ALDH3A2: variants seen among roughly 807,000 people sequenced by gnomAD.
The protein encoded by ALDH3A2 is aldehyde dehydrogenase 3 family member A2.
A neutral mutation model predicts 51.3 loss-of-function variants in ALDH3A2; 36 were observed. The observed-to-expected ratio is 0.70, with a 90% CI of 0.54 to 0.93. The LOEUF (loss-of-function observed/expected upper bound fraction) is 0.93, where lower values mean the gene tolerates loss of function less well. Ranked by LOEUF, ALDH3A2 falls within the 40% of genes least tolerant of loss-of-function variation. The probability of loss-of-function intolerance (pLI) is 0.00; values close to 1 mark genes in which losing one functional copy is unlikely to be tolerated. For missense variants in ALDH3A2, 552 were observed against 603.1 expected (o/e 0.92, Z 0.89); for synonymous variants, 199 against 219.8 (o/e 0.91, Z 0.84).
chr17:19,669,953 T>C (rs577517494), intron 8 of ALDH3A2, among the ~76,000 whole-genome samples: 1 of 152,282 alleles, frequency 6.6e-6, no homozygotes, highest in East Asian at 1.9e-4. Flanking sequence ...TGCACGCATT[T>C]TAGAGACAGA....
At position 19,671,779 on chromosome 17, in the gene ALDH3A2, G is replaced by C. The variant is rs1256793454; in HGVS notation, c.1266G>C (p.Gln422His). 1 of 1,614,158 alleles carries C rather than the reference G, an allele frequency of 6.2e-7. No homozygotes were observed. The highest frequency in any genetic ancestry group is 1.7e-5 in the Admixed American group (1 of 60,014). ...ATAGTTTTGATACTTTTTCTCATCA[G>C]CGTCCCTGTTTATTAAAAAGTTTAA... ...GKHSFDTFSH[Q>H]RPCLLKSLKR... Residue 422 changes from glutamine to histidine, a missense_variant, in exon 9 of 10, where the codon CAG (glutamine) becomes CAC (histidine). By Grantham distance (24) the Gln-to-His change is conservative. Coordinates refer to ENST00000176643, the MANE Select transcript of ALDH3A2 (RefSeq NM_000382.3).
At chr17:19,659,395 GGGT>G (rs2084938905) in intron 5 of ALDH3A2, among the ~76,000 whole-genome samples, 1 of 151,952 alleles carries the variant, frequency 6.6e-6, no homozygotes, top group Admixed American at 6.6e-5. Flanking sequence ...AAGGTTAGCT[GGGT>G]ATGGTGGCAC....
At position 19,648,986 on chromosome 17, in the gene ALDH3A2, C is replaced by A; in HGVS notation, c.15C>A (p.Val5=). The change falls in exon 1 of 10, where the codon GTC becomes GTA. Residue 5 remains valine, a synonymous_variant. Transcript: ENST00000176643. ...AGGACCAGGCCATGGAGCTCGAAGT[C>A]CGGCGGGTCCGACAGGCGTTCCTGT... MELE[V]RRVRQAFLSG... is the part of the protein sequence containing the mutation. 6.3e-7 allele frequency: 1 copy of A among 1,586,066 alleles called. No individual in the cohort carries two copies.
chr17:19,671,054 G>A (rs888376213), intron 8 of ALDH3A2, among the ~76,000 whole-genome samples: 1 of 152,172 alleles, frequency 6.6e-6, no homozygotes, highest in Non-Finnish European at 1.5e-5. Flanking sequence ...ACACTGCTCC[G>A]CTTTGTGCCT....
chr17:19,670,943 T>C (rs2085104704), intron 8 of ALDH3A2, among the ~76,000 whole-genome samples: 1 of 152,172 alleles, frequency 6.6e-6, no homozygotes, highest in Non-Finnish European at 1.5e-5. Flanking sequence ...CAGGCCTGCT[T>C]CATGAATGAT....
intron 8 of ALDH3A2, among the ~76,000 whole-genome samples, chr17:19,669,007 A>G (rs372202442): frequency 2.7e-5 from 2 of 74,794 alleles, no homozygotes; most frequent in Admixed American, 3.2e-4. Flanking sequence ...CCATTTAACC[A>G]TGGAGTTGGC....
chr17:19,667,559 CT>C (rs61355726), intron 8 of ALDH3A2, among the ~76,000 whole-genome samples: 5 of 149,438 alleles, frequency 3.3e-5, no homozygotes, highest in East Asian at 1.9e-4. Flanking sequence ...TTAGATTTTT[CT>C]TTTTTTTTTC....
At chr17:19,661,933 T>C (rs1009907157) in intron 6 of ALDH3A2, 3 of 151,982 alleles carry the variant, frequency 2.0e-5, no homozygotes, top group African/African-American at 7.3e-5. Context: ...GATTCTCTTA[T>C]AATTAGCAGT....
In ALDH3A2 at chr17:19,665,400, T is replaced by TGC. The variant is rs2085023345; in HGVS notation, c.1207+354_1207+355insCG. Reference sequence around the variant, plus strand: ...TCGTGTGTGTGTGTGTGTGTGTGTGTGTGTGTGTGGTGTGTGTGTTTAATG... The same window carrying TGC: ...TCGTGTGTGTGTGTGTGTGTGTGTGTGCGTGTGTGTGGTGTGTGTGTTTAATG... On this transcript the variant is annotated intron_variant, in intron 8 of 9. Coordinates refer to ENST00000176643, the MANE Select transcript of ALDH3A2 (RefSeq NM_000382.3). Among the ~76,000 whole-genome samples, 4 of 151,764 alleles carry TGC rather than the reference T, an allele frequency of 2.6e-5. No individual in the cohort carries two copies. In the South Asian group the frequency reaches 8.3e-4, roughly 32 times the overall value.
chr17:19,673,767 T>C (rs1242434712), intron 9 of ALDH3A2, among the ~76,000 whole-genome samples: 1 of 152,184 alleles, frequency 6.6e-6, no homozygotes, highest in Non-Finnish European at 1.5e-5. Flanking sequence ...TCTCTAGACA[T>C]TTTGGACCTG....
At chr17:19,664,867 C>T (rs2085013623) in intron 7 of ALDH3A2, 81 bp from the exon 8 acceptor site, 2 of 972,392 alleles carry the variant, frequency 2.1e-6, no homozygotes, top group African/African-American at 3.2e-5. Context: ...TAACTGAGCA[C>T]ACAGCCCTCT....
Position 19,665,033 on chromosome 17 carries a change from C to T in ALDH3A2, c.1193C>T (p.Pro398Leu). The change falls in exon 8 of 10, where the codon CCA (proline) becomes CTA (leucine). Residue 398 changes from proline to leucine, a missense_variant. Physicochemically the swap from Pro to Leu is moderately conservative, Grantham distance 98. Coordinates refer to ENST00000176643, the MANE Select transcript of ALDH3A2 (RefSeq NM_000382.3). ...ATGCACTTCACGCTCAACTCTTTCC[C>T]ATTTGGAGGAGTGGGTGAGTCTTAT... ...VIMHFTLNSF[P>L]FGGVGSSGMG... 1.2e-6 allele frequency: 2 copies of T among 1,613,722 alleles called. No homozygotes were observed. The highest frequency in any genetic ancestry group is 1.7e-6 in the Non-Finnish European group (2 of 1,179,668).
Position 19,654,065 on chromosome 17 carries a change from C to G in ALDH3A2, c.471+1433C>G, listed in dbSNP as rs1415176666. On this transcript the variant is annotated intron_variant, in intron 3 of 9. Transcript: ENST00000176643. This position sits in a 1 kb window ranked among gnomAD's most constrained non-coding sequence, Gnocchi z 4.5. ...CATAGAGTGCTGACTGGTGCTTTTA[C>G]AATCCTCTAGCTAGACATAAAAGTT... Among the ~76,000 whole-genome samples, 1 of 152,242 alleles carries G rather than the reference C, an allele frequency of 6.6e-6. No homozygotes were observed. Among genetic ancestry groups the G allele is most frequent in the African/African-American group, 2.4e-5 (1 of 41,464 alleles).
rs781061981 is a variant in ALDH3A2, at chr17:19,675,615, T to C, written c.*43T>C. 1.3e-6 allele frequency: 2 copies of C among 1,589,972 alleles called. No homozygotes were observed. The highest frequency in any genetic ancestry group is 1.7e-6 in the Non-Finnish European group (2 of 1,157,938). On this transcript the variant is annotated 3_prime_UTR_variant, in exon 10 of 10. Coordinates refer to ENST00000176643, the MANE Select transcript of ALDH3A2 (RefSeq NM_000382.3). ...CCTCCTAGTGCCTCTACTGAATTATTCCTCTTTTAAATGGTTAATGAACCA... is the reference window on the plus strand; with the variant it reads ...CCTCCTAGTGCCTCTACTGAATTATCCCTCTTTTAAATGGTTAATGAACCA...
intron 8 of ALDH3A2, among the ~76,000 whole-genome samples, chr17:19,665,376 CGTGTGTGTGT>C (rs34642385): frequency 1.4e-5 from 2 of 144,920 alleles, no homozygotes; most frequent in South Asian, 2.2e-4. Context: ...GATCTCTCTT[CGTGTGTGTGT>C]GTGTGTGTGT....
At position 19,654,099 on chromosome 17, in the gene ALDH3A2, C is replaced by A. The variant is rs2084859587; in HGVS notation, c.471+1467C>A. ...AGCTAGACATAAAAGTTCTCCAAAT[C>A]CCCACCAGATTAGCTAGATACAGAG... is the stretch of plus-strand genomic sequence containing the variant. On this transcript the variant is annotated intron_variant, in intron 3 of 9. Transcript: ENST00000176643. The surrounding 1 kb of genome is among the most constrained non-coding windows in gnomAD (Gnocchi z 4.5). 6.6e-6 allele frequency among the ~76,000 whole-genome samples: 1 copy of A among 152,224 alleles called. No individual in the cohort carries two copies. Among genetic ancestry groups the A allele is most frequent in the Admixed American group, 6.5e-5 (1 of 15,284 alleles).
chr17:19,653,589 T>TGTCTGGAGTTGTTCATTCCTCCC (rs1451623463), intron 3 of ALDH3A2, among the ~76,000 whole-genome samples: 1 of 151,676 alleles, frequency 6.6e-6, no homozygotes, highest in Non-Finnish European at 1.5e-5. Context: ...TAGTTCCTCC[T>TGTCTGGAGTTGTTCATTCCTCCC]GTCTGGAGTT....
chr17:19,673,202 C>G, intron 9 of ALDH3A2: 1 of 1,614,138 alleles, frequency 6.2e-7, no homozygotes, highest in African/African-American at 1.3e-5. Flanking sequence ...TCTGGTAGTT[C>G]ACAGACTGCG....
chr17:19,662,963 C>A (rs1435400600), intron 6 of ALDH3A2, among the ~76,000 whole-genome samples: 3 of 152,036 alleles, frequency 2.0e-5, no homozygotes, highest in African/African-American at 7.2e-5. Flanking sequence ...CGAGATGGCA[C>A]CATTGCACTC....
Sources: gnomAD v4.1 joint callset for allele counts (sites outside exome capture counted in the v4.1 genomes callset) on GRCh38, gnomAD v4.1.1 for gene constraint, Gnocchi (gnomAD v3.1) non-coding constraint, MANE v1.5 for transcripts, NCBI Gene and HGNC (gene_info 2026-07-23, HGNC 2026-07-21) for gene names.